The following ZFAND3 variants were observed in gnomAD, a reference collection of about 807,000 sequenced individuals.
ZFAND3 encodes zinc finger AN1-type containing 3, also known as AN1-type zinc finger protein 3.
A neutral mutation model predicts 29.6 loss-of-function variants in ZFAND3; 10 were observed. That is an observed-to-expected ratio of 0.34 (90% CI 0.21 to 0.57). The LOEUF (loss-of-function observed/expected upper bound fraction) is 0.57. Among genes scored for constraint, ZFAND3 ranks in the 20% least tolerant of loss-of-function variants. ZFAND3 has a pLI of 0.86. For missense variants in ZFAND3, 230 were observed against 304.5 expected (o/e 0.76, Z 1.82); for synonymous variants, 128 against 112.6 (o/e 1.14, Z -0.87).
chr6:38,153,863 C>T lies in ZFAND3; in HGVS notation c.*1474C>T. 2.0e-6 allele frequency: 2 copies of T among 985,504 alleles called. No homozygotes were observed. The allele number at this position is 985,504 out of a possible 1,614,324, so 61.0% of individuals were successfully genotyped here. On this transcript the variant is annotated 3_prime_UTR_variant, in exon 6 of 6. Coordinates refer to ENST00000287218, the MANE Select transcript of ZFAND3 (RefSeq NM_021943.3). ...CCTGCGGAGGCAGCGTGGATCTGCC[C>T]ACACATAGGCTACTGGAATAGTTTA...
chr6:38,091,473 ATTTTTTTTTT>A (rs5875611), intron 4 of ZFAND3, among the ~76,000 whole-genome samples: 30 of 73,688 alleles, frequency 4.1e-4, no homozygotes, highest in African/African-American at 5.2e-4. Context: ...AAACTTTAGG[ATTTTTTTTTT>A]TTTTTTTTTT....
chr6:38,018,710 C>T (rs557199918), intron 2 of ZFAND3, among the ~76,000 whole-genome samples: 1 of 152,054 alleles, frequency 6.6e-6, no homozygotes, highest in East Asian at 1.9e-4. Flanking sequence ...TTTAGATTAC[C>T]CCCTCCTAGG....
chr6:38,010,904 C>CT (rs35362297), intron 2 of ZFAND3, among the ~76,000 whole-genome samples: 1,723 of 131,056 alleles, frequency 0.013, 23 homozygotes, highest in African/African-American at 0.036. Flanking sequence ...CCCGGCCCAA[C>CT]TTTTTTTTTT....
chr6:37,999,737 G>A (rs1207813169), intron 2 of ZFAND3, among the ~76,000 whole-genome samples: 1 of 152,176 alleles, frequency 6.6e-6, no homozygotes, highest in Non-Finnish European at 1.5e-5. Context: ...GGAACATAAA[G>A]AGACATGACA....
intron 2 of ZFAND3, among the ~76,000 whole-genome samples, chr6:37,933,384 T>G (rs1160464331): frequency 6.6e-6 from 1 of 152,196 alleles, no homozygotes; most frequent in Non-Finnish European, 1.5e-5. Flanking sequence ...TAGGGGTGTG[T>G]GTGTTTACTT....
chr6:38,071,527 T>C (rs950342875), intron 3 of ZFAND3, among the ~76,000 whole-genome samples: 4 of 152,162 alleles, frequency 2.6e-5, no homozygotes, highest in Admixed American at 1.3e-4. Flanking sequence ...CTAGGCTCTT[T>C]ATTTTGTTTT....
intron 1 of ZFAND3, among the ~76,000 whole-genome samples, chr6:37,927,564 C>G (rs1761512350): frequency 6.6e-6 from 1 of 152,202 alleles, no homozygotes; most frequent in Non-Finnish European, 1.5e-5. Flanking sequence ...GGAGAGGCGC[C>G]TCTAGTTCAA....
chr6:38,058,449 A>G (rs551192415), intron 2 of ZFAND3, among the ~76,000 whole-genome samples: 2 of 152,242 alleles, frequency 1.3e-5, no homozygotes, highest in African/African-American at 2.4e-5. Flanking sequence ...GTGCTATACA[A>G]ATAACACTGA....
At chr6:37,991,542 G>A (rs1255385805) in intron 2 of ZFAND3, among the ~76,000 whole-genome samples, 1 of 151,994 alleles carries the variant, frequency 6.6e-6, no homozygotes, top group East Asian at 1.9e-4. Flanking sequence ...TAGTAGAAAT[G>A]GGGTTTTACC....
rs771630583 is a variant in ZFAND3, at chr6:38,116,763, G to A, written c.529+24G>A. 4.3e-6 allele frequency: 7 copies of A among 1,610,256 alleles called. No individual in the cohort carries two copies. The South Asian group carries it at 5.5e-5, about 13-fold the overall frequency. On this transcript the variant is annotated intron_variant, in intron 5 of 5. Coordinates refer to ENST00000287218, the MANE Select transcript of ZFAND3 (RefSeq NM_021943.3). ...CGGTAAGCATCTCCCCCAGTGGCGT[G>A]ATGGAGACTATATCCTTAACACCTT...
rs1562016181 is a variant in ZFAND3, at chr6:38,144,225, A to ATTT, written c.530-8009_530-8008insTTT. Reference sequence around the variant, plus strand: ...TATATATATATAATATATAATATATATATATATTTTTTTTTTAATAAGGTT... The same window carrying ATTT: ...TATATATATATAATATATAATATATATTTTATATATTTTTTTTTTAATAAGGTT... On this transcript the variant is annotated intron_variant, in intron 5 of 5. Coordinates refer to ENST00000287218, the MANE Select transcript of ZFAND3 (RefSeq NM_021943.3). Among the ~76,000 whole-genome samples, 3 of 75,534 alleles carry ATTT rather than the reference A, an allele frequency of 4.0e-5. 1 individual carries two copies. The East Asian group carries it at 1.1e-3, about 28-fold the overall frequency. 49.6% of individuals were successfully genotyped at this position (75,534 alleles called of 152,430 possible). A position where few individuals can be genotyped will look rare whatever the true frequency, so the allele number is the denominator to read the frequency against.
Position 37,900,672 on chromosome 6 carries a change from G to T in ZFAND3, c.72-29287G>T, listed in dbSNP as rs79425478. 1.5e-3 allele frequency among the ~76,000 whole-genome samples: 231 copies of T among 152,176 alleles called. 1 individual carries two copies. The highest frequency in any genetic ancestry group is 5.3e-3 in the African/African-American group (219 of 41,510). On this transcript the variant is annotated intron_variant, in intron 1 of 5. Coordinates refer to ENST00000287218, the MANE Select transcript of ZFAND3 (RefSeq NM_021943.3). ...ACTCATTCAACAAATACTTGTCACA[G>T]GTCTGTTATGTTCCAGGTAGCGGAA...
At chr6:38,010,540 G>A (rs1268201491) in intron 2 of ZFAND3, among the ~76,000 whole-genome samples, 2 of 150,712 alleles carry the variant, frequency 1.3e-5, no homozygotes, top group Non-Finnish European at 2.9e-5. Flanking sequence ...TCATGCCCTG[G>A]TCTATGACAA....
At chr6:37,957,784 T>A (rs1395624382) in intron 2 of ZFAND3, among the ~76,000 whole-genome samples, 2 of 152,208 alleles carry the variant, frequency 1.3e-5, no homozygotes, top group Non-Finnish European at 2.9e-5. Flanking sequence ...GTATGCTAGT[T>A]GCATACGGAC....
rs902044870 is a variant in ZFAND3 at position 38,012,377 on chromosome 6, A to T, written c.113-49216A>T. 6.7e-4 allele frequency among the ~76,000 whole-genome samples: 83 copies of T among 123,336 alleles called. 1 individual carries two copies. Among genetic ancestry groups the T allele is most frequent in the South Asian group, 2.5e-3 (9 of 3,640 alleles). 80.9% of individuals were successfully genotyped at this position (123,336 alleles called of 152,430 possible). The stretch of plus-strand genomic sequence containing the variant: ...AGCTTCCTCCTTTCTTTTTGATAGT[A>T]TTTTTTTTTTTTTTTTTTTGAGTCG... On this transcript the variant is annotated intron_variant, in intron 2 of 5. Coordinates refer to ENST00000287218, the MANE Select transcript of ZFAND3 (RefSeq NM_021943.3).
chr6:37,938,840 T>G (rs1249883062), intron 2 of ZFAND3, among the ~76,000 whole-genome samples: 3 of 152,208 alleles, frequency 2.0e-5, no homozygotes, highest in African/African-American at 7.2e-5. Flanking sequence ...CTCAGTGCTG[T>G]GAAATAGCTG....
At chr6:37,933,106 A>G (rs1440848891) in intron 2 of ZFAND3, among the ~76,000 whole-genome samples, 1 of 152,254 alleles carries the variant, frequency 6.6e-6, no homozygotes, top group African/African-American at 2.4e-5. Context: ...AAGACAACAT[A>G]AAGATTATTT....
At chr6:37,846,407 CA>C (rs1764177957) in intron 1 of ZFAND3, among the ~76,000 whole-genome samples, 1 of 152,166 alleles carries the variant, frequency 6.6e-6, no homozygotes, top group Admixed American at 6.5e-5. Context: ...ACCTGGAGAA[CA>C]TAGCAAGACC....
At chr6:38,048,787 C>A (rs1169574920) in intron 2 of ZFAND3, among the ~76,000 whole-genome samples, 2 of 152,122 alleles carry the variant, frequency 1.3e-5, no homozygotes, top group Middle Eastern at 3.4e-3. Context: ...AGGCAGGATT[C>A]AAACAGGTCT....
Sources: allele counts gnomAD v4.1 joint callset (sites outside exome capture counted in the v4.1 genomes callset), GRCh38; gene constraint gnomAD v4.1.1; transcripts MANE v1.5; gene names NCBI Gene and HGNC (gene_info 2026-07-23, HGNC 2026-07-21).